NEK1: variants seen among roughly 807,000 people sequenced by gnomAD.
NEK1 encodes the protein NIMA related kinase 1.
Under a neutral mutation model 182.1 loss-of-function variants are expected in NEK1, and 137 were observed. The ratio of observed to expected loss-of-function variants is 0.75; its 90% CI spans 0.65 to 0.87. NEK1 has a LOEUF of 0.87. NEK1 is among the 40% of genes least tolerant of loss of function. NEK1 has a pLI of 0.00. For missense variants in NEK1, 1,391 were observed against 1,494.4 expected (o/e 0.93, Z 1.14); for synonymous variants, 513 against 492.2 (o/e 1.04, Z -0.56).
At chr4:169,430,728 T>G (rs1286233824) in intron 29 of NEK1, among the ~76,000 whole-genome samples, 1 of 152,180 alleles carries the variant, frequency 6.6e-6, no homozygotes, top group Non-Finnish European at 1.5e-5. Flanking sequence ...TAGTGAACCC[T>G]AATGTAAACT....
In NEK1 at chr4:169,465,114, G is replaced by A. The variant is rs140992247; in HGVS notation, c.2435-1719C>T. 7.9e-3 allele frequency among the ~76,000 whole-genome samples: 1,209 copies of A among 152,152 alleles called. 18 individuals are homozygous for A. Among genetic ancestry groups the A allele is most frequent in the African/African-American group, 0.028 (1,158 of 41,506 alleles). The stretch of plus-strand genomic sequence containing the variant: ...CCATGAAAGTACATGCAAATTAGCA[G>A]ATAATAATTAGTTTCATACAGCCAA... On this transcript the variant is annotated intron_variant, in intron 26 of 35. Transcript: ENST00000507142.
intron 23 of NEK1, among the ~76,000 whole-genome samples, chr4:169,484,169 T>C (rs1318381482): frequency 6.6e-6 from 1 of 152,218 alleles, no homozygotes; most frequent in Non-Finnish European, 1.5e-5. Context: ...TAATCACTTC[T>C]CTACCACATA....
At chr4:169,473,023 T>C (rs751077923) in intron 26 of NEK1, among the ~76,000 whole-genome samples, 1 of 151,124 alleles carries the variant, frequency 6.6e-6, no homozygotes, top group African/African-American at 2.4e-5. Context: ...CTTTGGGAGA[T>C]GGAGGGAGGA....
chr4:169,570,148 C>A (rs1208679167), intron 12 of NEK1, among the ~76,000 whole-genome samples: 1 of 151,738 alleles, frequency 6.6e-6, no homozygotes, highest in East Asian at 2.0e-4. Context: ...CCCGCCGCCC[C>A]GTCTGGGATG....
chr4:169,543,647 CCT>C (rs1294778123), intron 18 of NEK1, among the ~76,000 whole-genome samples: 4 of 152,136 alleles, frequency 2.6e-5, no homozygotes, highest in Non-Finnish European at 4.4e-5. Context: ...TTGTTTCTGT[CCT>C]CTCTTATTTC....
At position 169,576,899 on chromosome 4, in the gene NEK1, T is replaced by C. The variant is rs373487499; in HGVS notation, c.1020+29A>G. The C allele has an allele frequency of 1.9e-6, 3 of 1,561,690 alleles. No individual in the cohort carries two copies. The African/African-American group carries it at 4.0e-5, about 21-fold the overall frequency. On this transcript the variant is annotated intron_variant, in intron 12 of 35. Transcript: ENST00000507142. ...AAATAAGGTTGAATTGAATTTGTTA[T>C]TAACACATGGTATGTAACATGATCA...
At chr4:169,500,035 C>A (rs561558778) in intron 23 of NEK1, among the ~76,000 whole-genome samples, 2 of 152,228 alleles carry the variant, frequency 1.3e-5, no homozygotes, top group African/African-American at 4.8e-5. Context: ...CCATGAGCTG[C>A]GGTGGGCTCC....
At chr4:169,589,162 A>C (rs574700389) in intron 7 of NEK1, among the ~76,000 whole-genome samples, 1 of 152,318 alleles carries the variant, frequency 6.6e-6, no homozygotes, top group African/African-American at 2.4e-5. Flanking sequence ...TACAGTATTC[A>C]GTACAGAACA....
At chr4:169,398,154 CAATAA>C (rs1229799396) in intron 35 of NEK1, among the ~76,000 whole-genome samples, 2 of 152,040 alleles carry the variant, frequency 1.3e-5, no homozygotes, top group Non-Finnish European at 2.9e-5. Flanking sequence ...TCCAAGGTCT[CAATAA>C]AATAAGAAAT....
intron 11 of NEK1, among the ~76,000 whole-genome samples, chr4:169,577,518 A>G (rs567837051): frequency 6.6e-6 from 1 of 152,208 alleles, no homozygotes; most frequent in South Asian, 2.1e-4. Flanking sequence ...CTGTAATCCC[A>G]GCACTTTGGG....
intron 18 of NEK1, among the ~76,000 whole-genome samples, chr4:169,551,559 T>C (rs957796774): frequency 6.6e-6 from 1 of 152,166 alleles, no homozygotes; most frequent in Non-Finnish European, 1.5e-5. Flanking sequence ...ATGGGAAATA[T>C]GTATGGTAAG....
chr4:169,561,440 G>T, intron 16 of NEK1, 40 bp downstream of exon 16: 1 of 1,548,800 alleles, frequency 6.5e-7, no homozygotes. Flanking sequence ...GAACTGGAGG[G>T]GAAAATGGTA....
intron 23 of NEK1, among the ~76,000 whole-genome samples, chr4:169,486,791 T>C (rs1412278426): frequency 6.6e-6 from 1 of 152,152 alleles, no homozygotes; most frequent in Non-Finnish European, 1.5e-5. Flanking sequence ...AGTCTAAAAA[T>C]AAGACAAAGA....
intron 27 of NEK1, among the ~76,000 whole-genome samples, chr4:169,452,527 G>A (rs1742019111): frequency 6.6e-6 from 1 of 152,128 alleles, no homozygotes; most frequent in Admixed American, 6.5e-5. Flanking sequence ...ATCAATAAAC[G>A]TAATCCATCA....
intron 27 of NEK1, among the ~76,000 whole-genome samples, chr4:169,453,443 A>G (rs540147486): frequency 1.3e-5 from 2 of 152,358 alleles, no homozygotes; most frequent in Non-Finnish European, 2.9e-5. Flanking sequence ...GCCCCCCAAA[A>G]TCTGGCCATA....
intron 27 of NEK1, among the ~76,000 whole-genome samples, chr4:169,453,779 A>G (rs1192509406): frequency 1.3e-5 from 2 of 152,226 alleles, no homozygotes; most frequent in African/African-American, 4.8e-5. Flanking sequence ...CTTACTGTTA[A>G]TAAATACGTA....
At chr4:169,474,985 A>T (rs1746679402) in intron 26 of NEK1, among the ~76,000 whole-genome samples, 1 of 152,216 alleles carries the variant, frequency 6.6e-6, no homozygotes, top group Non-Finnish European at 1.5e-5. Context: ...AGCAGTTTCA[A>T]GACATTGTAC....
At chr4:169,409,454 T>A (rs1223376718) in intron 31 of NEK1, among the ~76,000 whole-genome samples, 1 of 150,790 alleles carries the variant, frequency 6.6e-6, no homozygotes, top group Non-Finnish European at 1.5e-5. Flanking sequence ...ACTTACCTGT[T>A]TTTGGACTTC....
At chr4:169,499,483 TTTTAG>T (rs963547587) in intron 23 of NEK1, among the ~76,000 whole-genome samples, 2 of 152,188 alleles carry the variant, frequency 1.3e-5, no homozygotes, top group African/African-American at 4.8e-5. Flanking sequence ...GCACTCTGAT[TTTTAG>T]AGTTTCCAGT....
Sources: gnomAD v4.1 joint callset for allele counts (sites outside exome capture counted in the v4.1 genomes callset) on GRCh38, gnomAD v4.1.1 for gene constraint, MANE v1.5 for transcripts, NCBI Gene and HGNC (gene_info 2026-07-23, HGNC 2026-07-21) for gene names.